HNF1A: variants seen among roughly 807,000 people sequenced by gnomAD.
HNF1A encodes the protein HNF1 homeobox A.
HNF1A carries 21 observed loss-of-function variants against 62.2 expected under a neutral mutation model. The observed-to-expected ratio is 0.34, with a 90% CI of 0.24 to 0.49. HNF1A has a LOEUF of 0.49. Ranked by LOEUF, HNF1A falls within the 20% of genes least tolerant of loss-of-function variation. The pLI is 0.99. For synonymous variants in HNF1A, 374 were observed against 366.8 expected, an observed-to-expected ratio of 1.02 and a Z score of -0.22; for missense variants, 687 against 832.3, an observed-to-expected ratio of 0.83 and a Z score of 2.15.
chr12:121,002,052 G>C lies in HNF1A; in HGVS notation c.*860G>C. 1.9e-6 allele frequency: 1 copy of C among 536,868 alleles called. No homozygotes were observed. The allele number at this position is 536,868 out of a possible 1,614,324, so 33.3% of individuals were successfully genotyped here. A position where few individuals can be genotyped will look rare whatever the true frequency, so the allele number is the denominator to read the frequency against. On this transcript the variant is annotated 3_prime_UTR_variant, in exon 10 of 10. Coordinates refer to ENST00000257555, the MANE Select transcript of HNF1A (RefSeq NM_000545.8). ...CAGGTCCTGGTGGGGCAGCTCCTCTGTCTCGAGCGCCCTGCAGACCCTGCC... is the reference window on the plus strand; with the variant it reads ...CAGGTCCTGGTGGGGCAGCTCCTCTCTCTCGAGCGCCCTGCAGACCCTGCC...
intron 7 of HNF1A, 40 bp from the exon 8 acceptor site, chr12:120,999,228 G>GCACGTCTGC (rs755551742): frequency 5.6e-6 from 9 of 1,613,096 alleles, no homozygotes; most frequent in Admixed American, 3.3e-5. Flanking sequence ...GGGCTGTCAG[G>GCACGTCTGC]CACGTCTGCC....
intron 1 of HNF1A, among the ~76,000 whole-genome samples, chr12:120,987,710 A>G (rs1876587758): frequency 6.6e-6 from 1 of 151,966 alleles, no homozygotes; most frequent in South Asian, 2.1e-4. Context: ...AGTCCCACCC[A>G]CCTGAAAGGA....
Position 121,002,134 on chromosome 12 carries a change from C to T in HNF1A, c.*942C>T. On this transcript the variant is annotated 3_prime_UTR_variant, in exon 10 of 10. Transcript: ENST00000257555. ...AGGCAGCAAGGCCCGAGCAGCTGAG[C>T]AGGGCCGGGGAACTGGCCAAGCTGA... The T allele has an allele frequency of 1.9e-6, 1 of 523,990 alleles. No homozygotes were observed. Among genetic ancestry groups the T allele is most frequent in the Non-Finnish European group, 3.7e-6 (1 of 270,474 alleles). The allele number at this position is 523,990 out of a possible 1,614,324, so 32.5% of individuals were successfully genotyped here. A position where few individuals can be genotyped will look rare whatever the true frequency, so the allele number is the denominator to read the frequency against.
In HNF1A at chr12:120,983,551, T is replaced by C. The variant is rs967729595; in HGVS notation, c.326+4457T>C. On this transcript the variant is annotated intron_variant, in intron 1 of 9. Transcript: ENST00000257555. ...TAGTTCTTTCCTTTTTCTTTCTTTC[T>C]TTTTTTTTTTTTGAGATGGAGTCTC... 7.0e-5 allele frequency among the ~76,000 whole-genome samples: 9 copies of C among 129,344 alleles called. No individual in the cohort carries two copies. The East Asian group carries it at 1.8e-3, about 26-fold the overall frequency. 84.9% of individuals were successfully genotyped at this position (129,344 alleles called of 152,430 possible).
At position 120,978,857 on chromosome 12, in the gene HNF1A, T is replaced by C; in HGVS notation, c.89T>C (p.Leu30Pro). ...GLSKEALIQA[L>P]GEPGPYLLAG... is the part of the protein sequence containing the mutation. ...AGCAAAGAGGCACTGATCCAGGCACTGGGTGAGCCGGGGCCCTACCTCCTG... is the reference window on the plus strand; with the variant it reads ...AGCAAAGAGGCACTGATCCAGGCACCGGGTGAGCCGGGGCCCTACCTCCTG... Residue 30 changes from leucine (L) to proline (P), a missense_variant, in exon 1 of 10, where the codon CTG becomes CCG. By Grantham distance (98) the Leu-to-Pro change is moderately conservative (BLOSUM62 -3). Transcript: ENST00000257555. 1 of 1,613,246 alleles carries C rather than the reference T, an allele frequency of 6.2e-7. No individual in the cohort carries two copies. The highest frequency in any genetic ancestry group is 8.5e-7 in the Non-Finnish European group (1 of 1,179,812).
Position 120,997,564 on chromosome 12 carries a change from C to T in HNF1A, c.1400C>T (p.Pro467Leu), listed in dbSNP as rs764483607. 1.2e-5 allele frequency: 19 copies of T among 1,613,644 alleles called. No individual in the cohort carries two copies. The highest frequency in any genetic ancestry group is 6.7e-5 in the Admixed American group (4 of 59,886). ...CTGCAGCCCGTCCAGTTCTCCCAGC[C>T]GCTGCACCCCTCCTACCAGCAGCCG... is the stretch of plus-strand genomic sequence containing the variant. Reference protein sequence around the residue: ...TTLQPVQFSQPLHPSYQQPLM... With the variant: ...TTLQPVQFSQLLHPSYQQPLM... Residue 467 changes from proline to leucine, a missense_variant, in exon 7 of 10, where the codon CCG becomes CTG. Around this residue, in one of 5 missense-constraint regions of HNF1A, gnomAD observed 408 missense variants for 455.3 expected, o/e 0.90. Transcript: ENST00000257555.
In HNF1A at chr12:120,988,765, G is replaced by A. The variant is rs901663932; in HGVS notation, c.327-68G>A. On this transcript the variant is annotated intron_variant, in intron 1 of 9. Transcript: ENST00000257555. ...AGGGTTGACAAGGTTCCAGCACCCA[G>A]GACCGCAGCCCCACCTATGGGGAGA... 4.1e-6 allele frequency: 6 copies of A among 1,470,032 alleles called. No individual in the cohort carries two copies. The Admixed American group carries it at 1.1e-4, about 26-fold the overall frequency. 91.1% of individuals were successfully genotyped at this position (1,470,032 alleles called of 1,614,324 possible).
At position 120,993,563 on chromosome 12, in the gene HNF1A, A is replaced by C; in HGVS notation, c.570A>C (p.Thr190=). Reference sequence around the variant, plus strand: ...AGGGAGGGCTGATTGAAGAGCCCACAGGTGATGAGCTACCAACCAAGAAGG... The same window carrying C: ...AGGGAGGGCTGATTGAAGAGCCCACCGGTGATGAGCTACCAACCAAGAAGG... ...AGQGGLIEEP[T]GDELPTKKGR... The change falls in exon 3 of 10, where the codon ACA becomes ACC. Residue 190 remains threonine, a synonymous_variant. Transcript: ENST00000257555. 1 of 1,614,196 alleles carries C rather than the reference A, an allele frequency of 6.2e-7. No homozygotes were observed. The highest frequency in any genetic ancestry group is 8.5e-7 in the Non-Finnish European group (1 of 1,180,026).
chr12:120,993,368 C>A, intron 2 of HNF1A, 152 bp from the exon 3 acceptor site: 1 of 743,634 alleles, frequency 1.3e-6, no homozygotes. Context: ...GTGTGTTTGT[C>A]ATCAGTAGAT....
intron 1 of HNF1A, among the ~76,000 whole-genome samples, chr12:120,983,430 C>T (rs1222007454): frequency 2.6e-5 from 4 of 152,116 alleles, no homozygotes; most frequent in Non-Finnish European, 2.9e-5. Flanking sequence ...CAAGAGCACG[C>T]GTGGCTAGGT....
In HNF1A at chr12:120,978,737, C is replaced by A; in HGVS notation, c.-32C>A. Reference sequence around the variant, plus strand: ...TGGGGGAGGCGGCTAGCGTGGTGGACCCGGGCCGCGTGGCCCTGTGGCAGC... The same window carrying A: ...TGGGGGAGGCGGCTAGCGTGGTGGAACCGGGCCGCGTGGCCCTGTGGCAGC... On this transcript the variant is annotated 5_prime_UTR_variant, in exon 1 of 10. Coordinates refer to ENST00000257555, the MANE Select transcript of HNF1A (RefSeq NM_000545.8). The A allele has an allele frequency of 6.2e-7, 1 of 1,604,788 alleles. No homozygotes were observed. Among genetic ancestry groups the A allele is most frequent in the South Asian group, 1.1e-5 (1 of 90,874 alleles).
intron 4 of HNF1A, among the ~76,000 whole-genome samples, chr12:120,995,748 C>G (rs1427779042): frequency 6.6e-6 from 1 of 152,098 alleles, no homozygotes; most frequent in East Asian, 1.9e-4. Flanking sequence ...CCACTCCACT[C>G]TATTCCTCCC....
chr12:121,001,297 T>C lies in HNF1A; in HGVS notation c.*105T>C. The C allele has an allele frequency of 3.6e-6, 5 of 1,385,652 alleles. No individual in the cohort carries two copies. The highest frequency in any genetic ancestry group is 5.0e-6 in the Non-Finnish European group (5 of 1,000,762). The allele number at this position is 1,385,652 out of a possible 1,614,324, so 85.8% of individuals were successfully genotyped here. A position where few individuals can be genotyped will look rare whatever the true frequency, so the allele number is the denominator to read the frequency against. On this transcript the variant is annotated 3_prime_UTR_variant, in exon 10 of 10. Coordinates refer to ENST00000257555, the MANE Select transcript of HNF1A (RefSeq NM_000545.8). ...TGAGCCTGCCGAGCAACCGTGGCCC[T>C]TCCTGGACAGCTGTGCCTCGCTCCC...
rs1314780405 is a variant in HNF1A at position 120,996,937 on chromosome 12, T to C, written c.1309+195T>C. 6.7e-7 allele frequency: 1 copy of C among 1,498,574 alleles called. No homozygotes were observed. The highest frequency in any genetic ancestry group is 9.1e-7 in the Non-Finnish European group (1 of 1,101,484). The allele number at this position is 1,498,574 out of a possible 1,614,324, so 92.8% of individuals were successfully genotyped here. On this transcript the variant is annotated intron_variant, in intron 6 of 9. Coordinates refer to ENST00000257555, the MANE Select transcript of HNF1A (RefSeq NM_000545.8). The surrounding 1 kb of genome is among the most constrained non-coding windows in gnomAD (Gnocchi z 4.5). ...CCAAACAGACCAAAATCTCAGCAAC[T>C]CAAGCAGGGAGGCAGGCACTAAGCA...
chr12:120,983,990 A>C (rs1876387493), intron 1 of HNF1A, among the ~76,000 whole-genome samples: 1 of 149,154 alleles, frequency 6.7e-6, no homozygotes, highest in African/African-American at 2.5e-5. Context: ...AGAGAGAGTG[A>C]TAGCAAGGGA....
At position 120,978,744 on chromosome 12, in the gene HNF1A, C is replaced by T. The variant is rs775511041; in HGVS notation, c.-25C>T. ...GGCGGCTAGCGTGGTGGACCCGGGCCGCGTGGCCCTGTGGCAGCCGAGCCA... is the reference window on the plus strand; with the variant it reads ...GGCGGCTAGCGTGGTGGACCCGGGCTGCGTGGCCCTGTGGCAGCCGAGCCA... On this transcript the variant is annotated 5_prime_UTR_variant, in exon 1 of 10. Coordinates refer to ENST00000257555, the MANE Select transcript of HNF1A (RefSeq NM_000545.8). 8.7e-6 allele frequency: 14 copies of T among 1,609,838 alleles called. No homozygotes were observed. Among genetic ancestry groups the T allele is most frequent in the South Asian group, 3.3e-5 (3 of 90,998 alleles).
In HNF1A at chr12:120,990,619, G is replaced by T. The variant is rs943187541; in HGVS notation, c.526+1587G>T. 4.3e-5 allele frequency among the ~76,000 whole-genome samples: 6 copies of T among 138,956 alleles called. No homozygotes were observed. In the Admixed American group the frequency reaches 4.8e-4, roughly 11 times the overall value. 91.2% of individuals were successfully genotyped at this position (138,956 alleles called of 152,430 possible). ...GATGATAGGAAAGGGAGGAAAGATAGGAAAGGGAGGAAAGATAGGAAAGGG... is the reference window on the plus strand; with the variant it reads ...GATGATAGGAAAGGGAGGAAAGATATGAAAGGGAGGAAAGATAGGAAAGGG... On this transcript the variant is annotated intron_variant, in intron 2 of 9. Transcript: ENST00000257555.
At chr12:121,000,828 G>A in intron 9 of HNF1A, 1 of 560,646 alleles carries the variant, frequency 1.8e-6, no homozygotes. Context: ...TCTCACCGGG[G>A]CTTCTCCAGT....
chr12:120,988,013 C>T (rs1426759750), intron 1 of HNF1A, among the ~76,000 whole-genome samples: 1 of 150,834 alleles, frequency 6.6e-6, no homozygotes. Context: ...TCCATCTACC[C>T]ACCCACCCAC....
Sources: allele counts gnomAD v4.1 joint callset (sites outside exome capture counted in the v4.1 genomes callset), GRCh38; gene constraint gnomAD v4.1.1; regional missense constraint gnomAD v4.1.1; non-coding constraint Gnocchi (gnomAD v3.1); transcripts MANE v1.5; gene names NCBI Gene and HGNC (gene_info 2026-07-23, HGNC 2026-07-21).